The following ARHGAP21 variants were observed in gnomAD, a reference collection of about 807,000 sequenced individuals.
ARHGAP21 encodes the protein Rho GTPase activating protein 21.
In ARHGAP21, 38 loss-of-function variants were observed where a neutral mutation model predicts 164.6. The observed-to-expected ratio is 0.23, with a 90% confidence interval of 0.18 to 0.30. ARHGAP21 has a LOEUF of 0.30. Ranked by LOEUF, ARHGAP21 falls within the 10% of genes least tolerant of loss-of-function variation. ARHGAP21 has a pLI of 1.00. For missense variants in ARHGAP21, 1,822 were observed against 2,370.7 expected (o/e 0.77, Z 4.81); for synonymous variants, 766 against 857.9 (o/e 0.89, Z 1.87).
chr10:24,656,361 C>A (rs1485219165), intron 4 of ARHGAP21, among the ~76,000 whole-genome samples: 1 of 105,924 alleles, frequency 9.4e-6, no homozygotes. Flanking sequence ...CCCCCCCACC[C>A]GGCCAGCCGC....
chr10:24,687,816 A>T (rs975170844), intron 2 of ARHGAP21, among the ~76,000 whole-genome samples: 2 of 152,188 alleles, frequency 1.3e-5, no homozygotes, highest in African/African-American at 4.8e-5. Context: ...CCAAGCACGA[A>T]TATAGGCTAC....
intron 2 of ARHGAP21, among the ~76,000 whole-genome samples, chr10:24,686,764 A>C (rs1404601362): frequency 6.6e-6 from 1 of 152,206 alleles, no homozygotes; most frequent in Non-Finnish European, 1.5e-5. Context: ...ATTGGGCGGC[A>C]CATCCCTGCA....
rs536272506 is a variant in ARHGAP21, at chr10:24,586,523, T to C, written c.4183-417A>G. Among the ~76,000 whole-genome samples, 4 of 152,242 alleles carry C rather than the reference T, an allele frequency of 2.6e-5. No homozygotes were observed. In the South Asian group the frequency reaches 8.3e-4, roughly 32 times the overall value. On this transcript the variant is annotated intron_variant, in intron 25 of 25. Transcript: ENST00000396432. ...CACGGTCAAACATCATATTCTGATA[T>C]AGGTTATTAAACATCACATTCTGAT...
intron 2 of ARHGAP21, among the ~76,000 whole-genome samples, chr10:24,716,137 G>A (rs748743290): frequency 6.6e-6 from 1 of 152,146 alleles, no homozygotes; most frequent in African/African-American, 2.4e-5. Flanking sequence ...TATGTGCTAG[G>A]CACTCTTCTA....
chr10:24,674,406 C>A (rs551158215), intron 2 of ARHGAP21, among the ~76,000 whole-genome samples: 3 of 151,948 alleles, frequency 2.0e-5, no homozygotes, highest in African/African-American at 4.8e-5. Context: ...TGGTGGCATG[C>A]GCCTGTAATC....
intron 25 of ARHGAP21, among the ~76,000 whole-genome samples, chr10:24,586,884 C>CA (rs943175285): frequency 5.3e-5 from 8 of 152,006 alleles, no homozygotes; most frequent in Admixed American, 2.0e-4. Flanking sequence ...CCTGTCTCTA[C>CA]AAAAAATTAA....
At chr10:24,602,232 C>CT in intron 12 of ARHGAP21, 129 bp from the exon 13 acceptor site, 1 of 1,059,232 alleles carries the variant, frequency 9.4e-7, no homozygotes. Context: ...AAAATCCTAA[C>CT]TTTATCTTTT....
In ARHGAP21 at chr10:24,690,857, CATAT is replaced by C. The variant is rs1220183578; in HGVS notation, c.64-20464_64-20461del. ...AAAAAAATATATATATATATATACA[CATAT>C]ATATATACACACACACACATAAACA... On this transcript the variant is annotated intron_variant, in intron 2 of 25. Transcript: ENST00000396432. Among the ~76,000 whole-genome samples, 4 of 150,126 alleles carry C rather than the reference CATAT, an allele frequency of 2.7e-5. No individual in the cohort carries two copies. The Middle Eastern group carries it at 0.014, about 525-fold the overall frequency.
intron 2 of ARHGAP21, among the ~76,000 whole-genome samples, chr10:24,715,854 C>A (rs747420159): frequency 3.2e-4 from 49 of 152,004 alleles, no homozygotes; most frequent in Non-Finnish European, 4.6e-4. Flanking sequence ...ACTAAACATA[C>A]AAAAATTAAC....
chr10:24,718,048 CG>C (rs1845561080), intron 2 of ARHGAP21, among the ~76,000 whole-genome samples: 1 of 152,086 alleles, frequency 6.6e-6, no homozygotes, highest in African/African-American at 2.4e-5. Flanking sequence ...TGGGAAACTC[CG>C]TAGGGAATCT....
intron 25 of ARHGAP21, among the ~76,000 whole-genome samples, chr10:24,587,821 G>C (rs920814429): frequency 2.6e-5 from 4 of 152,170 alleles, no homozygotes; most frequent in Admixed American, 2.0e-4. Context: ...TATGTGTTGA[G>C]GCAAATTACT....
rs991497062 is a variant in ARHGAP21, at chr10:24,589,141, A to C, written c.4182+130T>G. ...CTTATCATATATTGTTTTAGGAATT[A>C]ATTTTTTGATTATACTTTGTTGCTC... On this transcript the variant is annotated intron_variant, in intron 25 of 25. Transcript: ENST00000396432. The C allele has an allele frequency of 1.6e-5, 13 of 825,348 alleles. No individual in the cohort carries two copies. In the South Asian group the frequency reaches 1.7e-4, roughly 11 times the overall value. 51.1% of individuals were successfully genotyped at this position (825,348 alleles called of 1,614,324 possible).
chr10:24,620,857 A>C lies in ARHGAP21; in HGVS notation c.1038T>G (p.Leu346=), dbSNP rs749995077. 5 of 1,613,886 alleles carry C rather than the reference A, an allele frequency of 3.1e-6. No homozygotes were observed. Among genetic ancestry groups the C allele is most frequent in the African/African-American group, 2.7e-5 (2 of 74,920 alleles). The change falls in exon 9 of 26, where the codon CTT becomes CTG. Residue 346 remains leucine, a synonymous_variant. Transcript: ENST00000396432. ...SRSLEPSGIL[L]KSGNYSGHSD... is the part of the protein sequence containing the mutation. Reference sequence around the variant, plus strand: ...AATGTCCACTGTAATTTCCAGACTTAAGTAAAATTCCAGAAGGTTCCAGTG... The same window carrying C: ...AATGTCCACTGTAATTTCCAGACTTCAGTAAAATTCCAGAAGGTTCCAGTG...
intron 2 of ARHGAP21, among the ~76,000 whole-genome samples, chr10:24,687,070 G>A (rs1382556795): frequency 1.3e-5 from 2 of 152,134 alleles, no homozygotes; most frequent in African/African-American, 4.8e-5. Context: ...ACAAAATTTA[G>A]CCAGGTGTGG....
At chr10:24,716,942 T>C (rs555270527) in intron 2 of ARHGAP21, among the ~76,000 whole-genome samples, 5 of 152,302 alleles carry the variant, frequency 3.3e-5, no homozygotes, top group African/African-American at 1.2e-4. Context: ...GATATGCCTA[T>C]TTACTATTCA....
intron 23 of ARHGAP21, 132 bp downstream of exon 23, chr10:24,591,510 A>T: frequency 8.1e-7 from 1 of 1,238,104 alleles, no homozygotes; most frequent in Non-Finnish European, 1.2e-6. Context: ...TTAGATCAGA[A>T]ACTGAGCTAG....
chr10:24,630,536 G>A (rs552005217), intron 6 of ARHGAP21, among the ~76,000 whole-genome samples: 76 of 151,976 alleles, frequency 5.0e-4, no homozygotes, highest in African/African-American at 1.6e-3. Context: ...CTGTCACCCC[G>A]GCTGGAGTGC....
chr10:24,696,134 C>T (rs1843150883), intron 2 of ARHGAP21, among the ~76,000 whole-genome samples: 2 of 152,162 alleles, frequency 1.3e-5, no homozygotes, highest in Non-Finnish European at 2.9e-5. Flanking sequence ...GACATCAGGC[C>T]CACAAGGGAC....
rs775743530 is a variant in ARHGAP21, at chr10:24,619,857, C to T, written c.2038G>A (p.Gly680Arg). ...GCTCCAGATAAAGAGGGGGATTTCCCAGTCTCCACTTGCTGATCGGGGGCA... is the reference window on the plus strand; with the variant it reads ...GCTCCAGATAAAGAGGGGGATTTCCTAGTCTCCACTTGCTGATCGGGGGCA... ...DSAPDQQVETGKSPSLSGASA... is the reference protein window; with the variant it reads ...DSAPDQQVETRKSPSLSGASA... Residue 680 changes from glycine (G) to arginine (R), a missense_variant, in exon 9 of 26, where the codon GGG becomes AGG. Transcript: ENST00000396432. 1 of 1,614,176 alleles carries T rather than the reference C, an allele frequency of 6.2e-7. No homozygotes were observed. The highest frequency in any genetic ancestry group is 1.1e-5 in the South Asian group (1 of 91,082).
Sources: gnomAD v4.1 joint callset for allele counts (sites outside exome capture counted in the v4.1 genomes callset) on GRCh38, gnomAD v4.1.1 for gene constraint, MANE v1.5 for transcripts, NCBI Gene and HGNC (gene_info 2026-07-23, HGNC 2026-07-21) for gene names.